DCLK2: variants seen among roughly 807,000 people sequenced by gnomAD.
DCLK2 encodes serine/threonine-protein kinase DCLK2.
DCLK2 carries 31 observed loss-of-function variants against 78.4 expected under a neutral mutation model. The ratio of observed to expected loss-of-function variants is 0.40; its 90% CI spans 0.30 to 0.53. The LOEUF (loss-of-function observed/expected upper bound fraction) is 0.53, where lower values mean the gene tolerates loss of function less well. Among genes scored for constraint, DCLK2 ranks in the 20% least tolerant of loss-of-function variants. DCLK2 has a pLI of 0.61. For synonymous variants in DCLK2, 407 were observed against 374.9 expected, an observed-to-expected ratio of 1.09 and a Z score of -0.99; for missense variants, 872 against 973.7, an observed-to-expected ratio of 0.90 and a Z score of 1.39.
intron 2 of DCLK2, among the ~76,000 whole-genome samples, chr4:150,171,904 C>T (rs57211931): frequency 0.021 from 3,198 of 152,326 alleles, 111 homozygotes; most frequent in African/African-American, 0.073. Context: ...CCCAGCCACT[C>T]TCTCATCTGA....
intron 15 of DCLK2, among the ~76,000 whole-genome samples, chr4:150,254,783 C>G (rs1744440059): frequency 6.6e-6 from 1 of 152,106 alleles, no homozygotes; most frequent in South Asian, 2.1e-4. Context: ...TGAGCTCAAG[C>G]CATCCTCCTG....
rs532317207 is a variant in DCLK2 at position 150,134,618 on chromosome 4, C to G, written c.756+31806C>G. On this transcript the variant is annotated intron_variant, in intron 2 of 15. Coordinates refer to ENST00000296550, the MANE Select transcript of DCLK2 (RefSeq NM_001040260.4). ...TCTTTGGTCTAAGTTGCTTATATTA[C>G]TTTGAAAACAATTCTCTGCAGTGTT... Among the ~76,000 whole-genome samples the G allele has an allele frequency of 4.6e-5, 7 of 152,058 alleles. No homozygotes were observed. The South Asian group carries it at 1.5e-3, about 32-fold the overall frequency.
At chr4:150,232,616 C>T in intron 9 of DCLK2, 66 bp from the exon 10 acceptor site, 1 of 1,558,450 alleles carries the variant, frequency 6.4e-7, no homozygotes. Flanking sequence ...GCCAATGAGC[C>T]ATCTTTCTTA....
At chr4:150,125,661 A>T (rs1732873028) in intron 2 of DCLK2, among the ~76,000 whole-genome samples, 1 of 152,162 alleles carries the variant, frequency 6.6e-6, no homozygotes. Context: ...AGGCTGAAGC[A>T]GGTGGATCAC....
intron 9 of DCLK2, 113 bp downstream of exon 9, chr4:150,232,569 C>T: frequency 2.6e-6 from 4 of 1,527,800 alleles, no homozygotes; most frequent in South Asian, 2.4e-5. Context: ...TTTATAATCG[C>T]CGATTTTAGT....
intron 2 of DCLK2, among the ~76,000 whole-genome samples, chr4:150,166,984 A>G (rs889433011): frequency 6.6e-6 from 1 of 152,180 alleles, no homozygotes; most frequent in African/African-American, 2.4e-5. Context: ...CCACTGATTA[A>G]AGAGTAGTTC....
intron 2 of DCLK2, among the ~76,000 whole-genome samples, chr4:150,120,723 G>C (rs1271082874): frequency 1.3e-5 from 2 of 152,198 alleles, no homozygotes; most frequent in African/African-American, 4.8e-5. Flanking sequence ...ACTGTAGCCT[G>C]TTAAGTGTGC....
intron 15 of DCLK2, 43 bp from the exon 16 acceptor site, chr4:150,255,977 C>T: frequency 1.3e-6 from 2 of 1,597,520 alleles, no homozygotes; most frequent in East Asian, 2.3e-5. Flanking sequence ...GGGACCCGAG[C>T]CTGGGCCCGG....
chr4:150,247,080 C>A (rs367553449), intron 12 of DCLK2, among the ~76,000 whole-genome samples: 1 of 152,108 alleles, frequency 6.6e-6, no homozygotes. Context: ...GAAAGGAGAT[C>A]GGACTTAGAT....
intron 2 of DCLK2, among the ~76,000 whole-genome samples, chr4:150,143,673 A>G (rs905084397): frequency 6.6e-6 from 1 of 152,136 alleles, no homozygotes; most frequent in Non-Finnish European, 1.5e-5. Flanking sequence ...ATTCCCACCA[A>G]CAGTGTATAA....
intron 2 of DCLK2, among the ~76,000 whole-genome samples, chr4:150,142,764 A>G (rs1019192298): frequency 1.3e-5 from 2 of 152,154 alleles, no homozygotes; most frequent in East Asian, 3.9e-4. Context: ...TTAAATATGC[A>G]AACTAAAGAA....
chr4:150,256,245 T>C lies in DCLK2; in HGVS notation c.2299T>C (p.Ter767ArgextTer37). 2 of 1,493,836 alleles carry C rather than the reference T, an allele frequency of 1.3e-6. No individual in the cohort carries two copies. The highest frequency in any genetic ancestry group is 1.8e-6 in the Non-Finnish European group (2 of 1,123,216). The allele number at this position is 1,493,836 out of a possible 1,614,324, so 92.5% of individuals were successfully genotyped here. Residue 767 changes from the stop codon to arginine, a stop_lost, in exon 16 of 16, where the codon TGA (stop) becomes CGA (arginine). Transcript: ENST00000296550. ...AGGAACCTGGCGCCGCCACCGAGAC[T>C]GAGCCTCCTGCAGACGGGCGAAGCC... ...RAGTWRRHRD* is the reference protein window; with the variant it reads ...RAGTWRRHRDR
intron 5 of DCLK2, among the ~76,000 whole-genome samples, chr4:150,213,479 CAGCATT>C (rs1379564814): frequency 6.6e-6 from 1 of 152,054 alleles, no homozygotes; most frequent in African/African-American, 2.4e-5. Flanking sequence ...ATTCCTAATT[CAGCATT>C]TATAATACTT....
chr4:150,163,565 T>A lies in DCLK2; in HGVS notation c.757-29573T>A, dbSNP rs376591161. On this transcript the variant is annotated intron_variant, in intron 2 of 15. Coordinates refer to ENST00000296550, the MANE Select transcript of DCLK2 (RefSeq NM_001040260.4). ...ATTTCATTATATAACTTAATCTCTC[T>A]GAGCCCATTTCCTTGTCTATACTAT... Among the ~76,000 whole-genome samples the A allele has an allele frequency of 1.4e-4, 22 of 152,328 alleles. No individual in the cohort carries two copies. The South Asian group carries it at 4.6e-3, about 32-fold the overall frequency.
At chr4:150,233,573 A>G (rs948661264) in intron 10 of DCLK2, among the ~76,000 whole-genome samples, 1 of 152,190 alleles carries the variant, frequency 6.6e-6, no homozygotes, top group African/African-American at 2.4e-5. Flanking sequence ...ATAATTTTGG[A>G]AATAGTCTAG....
intron 5 of DCLK2, among the ~76,000 whole-genome samples, chr4:150,207,199 G>C (rs1254760522): frequency 6.6e-6 from 1 of 152,138 alleles, no homozygotes; most frequent in East Asian, 1.9e-4. Context: ...ATTGATAAAA[G>C]CAAGCAAACC....
chr4:150,166,636 T>A (rs7659245), intron 2 of DCLK2, among the ~76,000 whole-genome samples: 40,771 of 152,094 alleles, frequency 0.27, 5,703 homozygotes, highest in South Asian at 0.49. Flanking sequence ...GAGTACACAT[T>A]TTCCTGTTTT....
intron 2 of DCLK2, among the ~76,000 whole-genome samples, chr4:150,189,716 T>C (rs1231728736): frequency 6.6e-6 from 1 of 152,034 alleles, no homozygotes; most frequent in East Asian, 1.9e-4. Context: ...ATGTAGCCGT[T>C]GTACCACTCA....
At chr4:150,216,466 T>C (rs113314924) in intron 5 of DCLK2, among the ~76,000 whole-genome samples, 12,332 of 152,214 alleles carry the variant, frequency 0.081, 1,630 homozygotes, top group African/African-American at 0.28. Context: ...GGTGAAACCC[T>C]GTCTCTACCA....
Sources: allele counts gnomAD v4.1 joint callset (sites outside exome capture counted in the v4.1 genomes callset), GRCh38; gene constraint gnomAD v4.1.1; transcripts MANE v1.5; gene names NCBI Gene and HGNC (gene_info 2026-07-23, HGNC 2026-07-21).